TMTC2: variants seen among roughly 807,000 people sequenced by gnomAD.
TMTC2 encodes transmembrane O-mannosyltransferase targeting cadherins 2.
Under a neutral mutation model 82.4 loss-of-function variants are expected in TMTC2, and 43 were observed. That is an observed-to-expected ratio of 0.52 (90% CI 0.41 to 0.67). TMTC2 has a LOEUF of 0.67. Ranked by LOEUF, TMTC2 falls within the 30% of genes least tolerant of loss-of-function variation. TMTC2 has a pLI of 0.00. For synonymous variants in TMTC2, 408 were observed against 381.9 expected (o/e 1.07, Z -0.80); for missense variants, 919 against 1,012.4 (o/e 0.91, Z 1.25).
At chr12:83,010,342 T>G (rs1796193) in intron 8 of TMTC2, among the ~76,000 whole-genome samples, 118,975 of 151,994 alleles carry the variant, frequency 0.78, 47,621 homozygotes, top group South Asian at 0.93. Flanking sequence ...CCTCCCAGAT[T>G]GTATCAAGGA....
chr12:82,840,862 C>T (rs921289823), intron 1 of TMTC2, among the ~76,000 whole-genome samples: 4 of 152,192 alleles, frequency 2.6e-5, no homozygotes, highest in Non-Finnish European at 5.9e-5. Context: ...TCACTTCAGC[C>T]TCCACATTCC....
intron 4 of TMTC2, among the ~76,000 whole-genome samples, chr12:82,944,024 A>G (rs1310180428): frequency 1.3e-5 from 2 of 152,204 alleles, no homozygotes; most frequent in Admixed American, 6.5e-5. Flanking sequence ...CATACTAGAA[A>G]GACAGGTAAG....
At chr12:82,909,801 GA>G (rs2137206658) in intron 3 of TMTC2, among the ~76,000 whole-genome samples, 1 of 152,306 alleles carries the variant, frequency 6.6e-6, no homozygotes, top group South Asian at 2.1e-4. Context: ...TGAGACCTAT[GA>G]AATATCTTCA....
intron 7 of TMTC2, among the ~76,000 whole-genome samples, chr12:82,976,352 A>G (rs989219928): frequency 4.3e-4 from 65 of 152,104 alleles, no homozygotes; most frequent in Admixed American, 3.0e-3. Flanking sequence ...AGGAACTTGT[A>G]AAAGTTTCAC....
chr12:82,722,229 T>C (rs1189566380), intron 1 of TMTC2, among the ~76,000 whole-genome samples: 3 of 152,078 alleles, frequency 2.0e-5, no homozygotes, highest in South Asian at 4.2e-4. Context: ...CTTGCCTTTC[T>C]TTTCCCCTAA....
At chr12:83,075,479 T>G (rs1883258585) in intron 11 of TMTC2, among the ~76,000 whole-genome samples, 1 of 151,690 alleles carries the variant, frequency 6.6e-6, no homozygotes, top group Admixed American at 6.6e-5. Context: ...CCAAAATAGG[T>G]TTCAATCAAG....
intron 3 of TMTC2, among the ~76,000 whole-genome samples, chr12:82,897,377 A>T (rs1360092673): frequency 6.6e-6 from 1 of 152,246 alleles, no homozygotes; most frequent in East Asian, 1.9e-4. Context: ...TTTAAAATAA[A>T]AAAGTCAAAA....
intron 1 of TMTC2, among the ~76,000 whole-genome samples, chr12:82,809,148 A>G (rs753910366): frequency 6.6e-6 from 1 of 151,528 alleles, no homozygotes; most frequent in East Asian, 1.9e-4. Flanking sequence ...CATGGTAAAG[A>G]AACAAAGGAT....
intron 4 of TMTC2, among the ~76,000 whole-genome samples, chr12:82,946,773 GCT>G (rs1877021517): frequency 7.4e-6 from 1 of 135,222 alleles, no homozygotes; most frequent in South Asian, 2.3e-4. Flanking sequence ...ACAGAGTCTT[GCT>G]CTGTCGCCCA....
At chr12:82,973,949 G>T (rs181462928) in intron 7 of TMTC2, among the ~76,000 whole-genome samples, 114 of 152,268 alleles carry the variant, frequency 7.5e-4, no homozygotes, top group African/African-American at 2.7e-3. Flanking sequence ...TAAAGAAAAA[G>T]ATCAAAGCTT....
intron 11 of TMTC2, among the ~76,000 whole-genome samples, chr12:83,094,743 A>G (rs1387319314): frequency 6.6e-6 from 1 of 152,250 alleles, no homozygotes; most frequent in African/African-American, 2.4e-5. Context: ...AACAGGGACA[A>G]GGAAGTGAGG....
intron 11 of TMTC2, among the ~76,000 whole-genome samples, chr12:83,100,047 G>A (rs1415289501): frequency 1.3e-5 from 2 of 151,882 alleles, no homozygotes; most frequent in Non-Finnish European, 2.9e-5. Context: ...AGCCTCCCGA[G>A]TAGCTGGGAT....
Position 83,132,702 on chromosome 12 carries a change from A to C in TMTC2, c.*313A>C. Reference sequence around the variant, plus strand: ...GGTGTGTAAGTCACAGATTTTGTTCATTTTCTGAAAGCTAATTTCAAAATT... The same window carrying C: ...GGTGTGTAAGTCACAGATTTTGTTCCTTTTCTGAAAGCTAATTTCAAAATT... On this transcript the variant is annotated 3_prime_UTR_variant, in exon 12 of 12. Transcript: ENST00000321196. The C allele has an allele frequency of 3.6e-6, 1 of 278,318 alleles. No homozygotes were observed. The highest frequency in any genetic ancestry group is 5.9e-5 in the South Asian group (1 of 16,820). The allele number at this position is 278,318 out of a possible 1,614,324, so 17.2% of individuals were successfully genotyped here.
chr12:83,003,280 C>T (rs867712798), intron 8 of TMTC2, among the ~76,000 whole-genome samples: 2 of 151,978 alleles, frequency 1.3e-5, no homozygotes, highest in Non-Finnish European at 2.9e-5. Context: ...ACAGGTCTTT[C>T]TTGATCCCTT....
intron 9 of TMTC2, among the ~76,000 whole-genome samples, chr12:83,035,805 GA>G (rs1881639439): frequency 6.6e-6 from 1 of 152,084 alleles, no homozygotes; most frequent in South Asian, 2.1e-4. Flanking sequence ...AAAATGACTA[GA>G]AAAACCATTG....
chr12:82,820,700 T>C (rs919210345), intron 1 of TMTC2, among the ~76,000 whole-genome samples: 2 of 152,196 alleles, frequency 1.3e-5, no homozygotes, highest in African/African-American at 4.8e-5. Context: ...TATGTTATGT[T>C]TTTATTCACT....
intron 7 of TMTC2, among the ~76,000 whole-genome samples, chr12:82,967,773 T>C (rs1472606970): frequency 6.6e-6 from 1 of 152,140 alleles, no homozygotes; most frequent in Non-Finnish European, 1.5e-5. Flanking sequence ...ATCAAATATT[T>C]CTTTTTTTCC....
At chr12:83,113,237 C>A (rs560526559) in intron 11 of TMTC2, among the ~76,000 whole-genome samples, 1 of 152,086 alleles carries the variant, frequency 6.6e-6, no homozygotes, top group South Asian at 2.1e-4. Context: ...TAGGGCTGCT[C>A]AGAGAAGAGA....
chr12:82,962,994 A>G (rs993980085), intron 4 of TMTC2, among the ~76,000 whole-genome samples: 3 of 152,134 alleles, frequency 2.0e-5, no homozygotes, highest in African/African-American at 7.2e-5. Context: ...AGTAGTCTGA[A>G]GTGTAGTAGT....
Sources: allele counts gnomAD v4.1 joint callset (sites outside exome capture counted in the v4.1 genomes callset), GRCh38; gene constraint gnomAD v4.1.1; transcripts MANE v1.5; gene names NCBI Gene and HGNC (gene_info 2026-07-23, HGNC 2026-07-21).